Variants in UBA2 observed in about 807,000 individuals in gnomAD.
UBA2 encodes the protein SUMO-activating enzyme subunit 2.
A neutral mutation model predicts 77.2 loss-of-function variants in UBA2; 11 were observed. The ratio of observed to expected loss-of-function variants is 0.14; its 90% CI spans 0.09 to 0.24. The LOEUF (loss-of-function observed/expected upper bound fraction) is 0.24, where lower values mean the gene tolerates loss of function less well. Ranked by LOEUF, UBA2 falls within the 10% of genes least tolerant of loss-of-function variation. The pLI is 1.00. For synonymous variants in UBA2, 278 were observed against 276.7 expected (o/e 1.00, Z -0.05); for missense variants, 487 against 781.7 (o/e 0.62, Z 4.50).
chr19:34,464,226 G>A (rs2145567843), intron 15 of UBA2, 95 bp downstream of exon 15: 1 of 831,024 alleles, frequency 1.2e-6, no homozygotes, highest in East Asian at 2.7e-5. Context: ...CTTAAACCCT[G>A]CTGTTCATTT....
chr19:34,460,529 A>T lies in UBA2; in HGVS notation c.1461A>T (p.Gly487=). The change falls in exon 14 of 17, where the codon GGA becomes GGT. Residue 487 remains glycine (G), a synonymous_variant. Transcript: ENST00000246548. ...ATGTCCAAATTGAAGATGGGAAAGG[A>T]ACAATCCTAATATCTTCCGAAGAGG... ...APDVQIEDGK[G]TILISSEEGE... 6.2e-7 allele frequency: 1 copy of T among 1,612,360 alleles called. No individual in the cohort carries two copies. The highest frequency in any genetic ancestry group is 1.1e-5 in the South Asian group (1 of 90,510).
intron 12 of UBA2, among the ~76,000 whole-genome samples, chr19:34,458,293 C>A (rs1053201653): frequency 6.6e-6 from 1 of 152,152 alleles, no homozygotes; most frequent in African/African-American, 2.4e-5. Context: ...CGGTGGCTCA[C>A]GCCTGTAATC....
intron 12 of UBA2, among the ~76,000 whole-genome samples, chr19:34,457,182 ATATATATATAT>A (rs2075576672): frequency 4.7e-5 from 4 of 85,640 alleles, no homozygotes; most frequent in South Asian, 4.6e-4. Context: ...AAAAAAAAAT[ATATATATATAT>A]ATATATATAT....
intron 12 of UBA2, among the ~76,000 whole-genome samples, chr19:34,455,886 C>G (rs2075552857): frequency 6.6e-6 from 1 of 151,900 alleles, no homozygotes; most frequent in Non-Finnish European, 1.5e-5. Flanking sequence ...ATGATCCGCC[C>G]ACCTCGGCCT....
intron 2 of UBA2, among the ~76,000 whole-genome samples, chr19:34,431,244 CT>C (rs1184297228): frequency 0.081 from 5,585 of 69,104 alleles, 189 homozygotes; most frequent in African/African-American, 0.19. Flanking sequence ...ATTTTCTTTT[CT>C]TTTTTTTTTT....
chr19:34,465,349 A>G (rs1361534646), intron 15 of UBA2, among the ~76,000 whole-genome samples: 1 of 152,212 alleles, frequency 6.6e-6, no homozygotes, highest in Non-Finnish European at 1.5e-5. Context: ...ATAAAATGAC[A>G]GGAAGGAGGC....
At chr19:34,428,624 T>A in intron 1 of UBA2, 54 bp downstream of exon 1, 2 of 1,103,634 alleles carry the variant, frequency 1.8e-6, no homozygotes, top group Non-Finnish European at 2.2e-6. Flanking sequence ...GGGGCTGGGA[T>A]TCGGGGGTTC....
Position 34,434,873 on chromosome 19 carries a change from C to A in UBA2, c.364C>A (p.Arg122=). 1 of 1,599,762 alleles carries A rather than the reference C, an allele frequency of 6.3e-7. No individual in the cohort carries two copies. The highest frequency in any genetic ancestry group is 8.5e-7 in the Non-Finnish European group (1 of 1,171,760). The change falls in exon 5 of 17, where the codon CGA becomes AGA. Residue 122 remains arginine, a synonymous_variant. Transcript: ENST00000246548. The stretch of plus-strand genomic sequence containing the variant: ...ACTGTTTGTTTTACTTCCAGCTGCC[C>A]GAAACCATGTTAATAGAATGTGCCT... ...VMNALDNRAA[R]NHVNRMCLAA...
intron 1 of UBA2, chr19:34,428,980 C>T (rs943584655): frequency 1.4e-5 from 14 of 985,684 alleles, no homozygotes; most frequent in Middle Eastern, 5.1e-4. Flanking sequence ...AGTAACGACG[C>T]GGGGCGGAGG....
At chr19:34,431,213 CT>C (rs2075249424) in intron 2 of UBA2, among the ~76,000 whole-genome samples, 1 of 138,782 alleles carries the variant, frequency 7.2e-6, no homozygotes, top group South Asian at 2.4e-4. Flanking sequence ...TCATAACAAC[CT>C]TTACTTTACT....
chr19:34,438,017 C>T (rs556838091), intron 5 of UBA2, among the ~76,000 whole-genome samples: 1 of 152,246 alleles, frequency 6.6e-6, no homozygotes, highest in South Asian at 2.1e-4. Flanking sequence ...TGCCACTGTA[C>T]TCCAGCCAGG....
rs35696396 is a variant in UBA2 at position 34,443,441 on chromosome 19, C to CTTTTT, written c.582-389_582-385dup. Reference sequence around the variant, plus strand: ...TTTATAGTCATTTATCCGTTATTCACTTTTTTTTTTTTTTTTTTGAGACGG... The same window carrying CTTTTT: ...TTTATAGTCATTTATCCGTTATTCACTTTTTTTTTTTTTTTTTTTTTTTGAGACGG... On this transcript the variant is annotated intron_variant, in intron 6 of 16. Coordinates refer to ENST00000246548, the MANE Select transcript of UBA2 (RefSeq NM_005499.3). 2.3e-5 allele frequency among the ~76,000 whole-genome samples: 3 copies of CTTTTT among 132,222 alleles called. 1 individual carries two copies. The highest frequency in any genetic ancestry group is 1.6e-4 in the Admixed American group (2 of 12,196). 86.7% of individuals were successfully genotyped at this position (132,222 alleles called of 152,430 possible). A position where few individuals can be genotyped will look rare whatever the true frequency, so the allele number is the denominator to read the frequency against.
chr19:34,469,128 C>T lies in UBA2; in HGVS notation c.1830C>T (p.Arg610=). The T allele has an allele frequency of 1.2e-6, 2 of 1,613,478 alleles. No individual in the cohort carries two copies. The highest frequency in any genetic ancestry group is 1.1e-5 in the South Asian group (1 of 90,986). The change falls in exon 17 of 17, where the codon CGC becomes CGT. Residue 610 remains arginine, a synonymous_variant. Transcript: ENST00000246548. ...NADVSEEERS[R]KRKLDEKENL... Reference sequence around the variant, plus strand: ...ACGTCAGTGAAGAAGAGAGAAGCCGCAAGAGGAAATTAGATGAGAAAGAGA... The same window carrying T: ...ACGTCAGTGAAGAAGAGAGAAGCCGTAAGAGGAAATTAGATGAGAAAGAGA...
At chr19:34,466,267 T>A (rs1220525573) in intron 15 of UBA2, among the ~76,000 whole-genome samples, 1 of 151,632 alleles carries the variant, frequency 6.6e-6, no homozygotes, top group East Asian at 1.9e-4. Context: ...ACCTGGGAGG[T>A]AGAGGTTGCA....
chr19:34,439,966 G>A (rs1192971448), intron 6 of UBA2, among the ~76,000 whole-genome samples: 6 of 152,100 alleles, frequency 3.9e-5, no homozygotes, highest in African/African-American at 1.4e-4. Context: ...GAAAAAAAAG[G>A]GATGATAATA....
chr19:34,455,464 G>A lies in UBA2; in HGVS notation c.1245+908G>A, dbSNP rs116681483. Among the ~76,000 whole-genome samples, 807 of 152,264 alleles carry A rather than the reference G, an allele frequency of 5.3e-3. 5 individuals are homozygous for A. The highest frequency in any genetic ancestry group is 0.018 in the African/African-American group (741 of 41,530). The stretch of plus-strand genomic sequence containing the variant: ...TCCTTCCTTCGATGTTGTGTCTGCA[G>A]ACACTTCGCTTTCTTACCAGCTCAA... On this transcript the variant is annotated intron_variant, in intron 12 of 16. Coordinates refer to ENST00000246548, the MANE Select transcript of UBA2 (RefSeq NM_005499.3).
chr19:34,440,995 G>A (rs868797171), intron 6 of UBA2, among the ~76,000 whole-genome samples: 3 of 151,526 alleles, frequency 2.0e-5, no homozygotes, highest in South Asian at 4.2e-4. Context: ...TCTTGACCAC[G>A]TGTCTATTCA....
intron 2 of UBA2, among the ~76,000 whole-genome samples, chr19:34,431,522 C>CT (rs1307798614): frequency 6.6e-6 from 1 of 151,964 alleles, no homozygotes; most frequent in African/African-American, 2.4e-5. Flanking sequence ...TGTATAGTTC[C>CT]TGGTACATGC....
intron 14 of UBA2, among the ~76,000 whole-genome samples, chr19:34,463,012 G>A (rs1292020897): frequency 2.0e-5 from 3 of 151,850 alleles, no homozygotes; most frequent in African/African-American, 4.8e-5. Flanking sequence ...CAGGAGAATC[G>A]CCTGAACCTG....
Sources: allele counts gnomAD v4.1 joint callset (sites outside exome capture counted in the v4.1 genomes callset), GRCh38; gene constraint gnomAD v4.1.1; transcripts MANE v1.5; gene names NCBI Gene and HGNC (gene_info 2026-07-23, HGNC 2026-07-21).